NIBAN1: variants seen among roughly 807,000 people sequenced by gnomAD.
NIBAN1 encodes the protein niban apoptosis regulator 1.
Under a neutral mutation model 75.1 loss-of-function variants are expected in NIBAN1, and 81 were observed. That is an observed-to-expected ratio of 1.08 (90% CI 0.90 to 1.30). The LOEUF (loss-of-function observed/expected upper bound fraction) is 1.30. Among genes scored for constraint, NIBAN1 ranks in the 50% most tolerant of loss-of-function variants. NIBAN1 has a pLI of 0.00. For synonymous variants in NIBAN1, 436 were observed against 424.8 expected (o/e 1.03, Z -0.32); for missense variants, 1,133 against 1,128.1 (o/e 1.00, Z -0.06).
intron 1 of NIBAN1, among the ~76,000 whole-genome samples, chr1:184,925,548 ATTTC>A (rs983669899): frequency 3.8e-4 from 57 of 151,530 alleles, no homozygotes; most frequent in Non-Finnish European, 7.5e-4. Context: ...GGTGTTTTTA[ATTTC>A]TTTATTTTTA....
At chr1:184,813,427 A>G (rs554219934) in intron 9 of NIBAN1, among the ~76,000 whole-genome samples, 59 of 152,360 alleles carry the variant, frequency 3.9e-4, no homozygotes, top group African/African-American at 1.4e-3. Flanking sequence ...CAGGTCAGAT[A>G]ATAGGTTTGC....
chr1:184,952,902 C>T (rs1238858815), intron 1 of NIBAN1, among the ~76,000 whole-genome samples: 3 of 152,162 alleles, frequency 2.0e-5, no homozygotes, highest in African/African-American at 7.2e-5. Flanking sequence ...CAAGTTTATG[C>T]TGTCTATTAA....
chr1:184,950,663 G>A (rs767587758), intron 1 of NIBAN1, among the ~76,000 whole-genome samples: 1 of 152,180 alleles, frequency 6.6e-6, no homozygotes, highest in African/African-American at 2.4e-5. Context: ...TTGCTCAGTA[G>A]CATCACAAAT....
At chr1:184,889,546 T>C (rs1329135061) in intron 4 of NIBAN1, among the ~76,000 whole-genome samples, 1 of 152,176 alleles carries the variant, frequency 6.6e-6, no homozygotes, top group Non-Finnish European at 1.5e-5. Flanking sequence ...AGAAAAATAG[T>C]ATTCCCTGAC....
chr1:184,826,332 G>T (rs192865387), intron 6 of NIBAN1, among the ~76,000 whole-genome samples: 2 of 152,272 alleles, frequency 1.3e-5, no homozygotes, highest in Admixed American at 1.3e-4. Context: ...ATTTTCTGTG[G>T]TGTTTAAGAG....
At chr1:184,820,139 C>A (rs772084556) in intron 8 of NIBAN1, among the ~76,000 whole-genome samples, 5 of 152,142 alleles carry the variant, frequency 3.3e-5, no homozygotes, top group Non-Finnish European at 7.4e-5. Context: ...AAATGACTTG[C>A]TTGACACTAA....
intron 1 of NIBAN1, among the ~76,000 whole-genome samples, chr1:184,969,450 G>A (rs115729105): frequency 0.024 from 3,676 of 152,208 alleles, 130 homozygotes; most frequent in African/African-American, 0.083. Context: ...GTCAAAAGAT[G>A]GAGAAGAAGT....
In NIBAN1 at chr1:184,857,700, ATGTGTCTTGAGGT is replaced by A. The variant is rs562916518; in HGVS notation, c.602-25751_602-25739del. On this transcript the variant is annotated intron_variant, in intron 5 of 13. Coordinates refer to ENST00000367511, the MANE Select transcript of NIBAN1 (RefSeq NM_052966.4). ...TAAACAAATAGATATACATATACAT[ATGTGTCTTGAGGT>A]TATCTAGGTATTCTTTTCTCTTTTC... 2.6e-5 allele frequency among the ~76,000 whole-genome samples: 4 copies of A among 152,306 alleles called. No individual in the cohort carries two copies. In the East Asian group the frequency reaches 5.8e-4, roughly 22 times the overall value.
chr1:184,953,442 T>C (rs1658407719), intron 1 of NIBAN1, among the ~76,000 whole-genome samples: 1 of 152,274 alleles, frequency 6.6e-6, no homozygotes, highest in Non-Finnish European at 1.5e-5. Context: ...ATAAATATCA[T>C]TTTGAAAGCG....
At chr1:184,828,809 ATT>A (rs11361571) in intron 6 of NIBAN1, among the ~76,000 whole-genome samples, 314 of 146,448 alleles carry the variant, frequency 2.1e-3, no homozygotes, top group South Asian at 0.013. Context: ...AAGCAAAACC[ATT>A]TTTTTTTTTT....
chr1:184,918,194 A>G (rs1325364272), intron 1 of NIBAN1, among the ~76,000 whole-genome samples: 1 of 152,116 alleles, frequency 6.6e-6, no homozygotes. Context: ...CTCCTCCTCT[A>G]GGTGCCACAG....
Position 184,795,807 on chromosome 1 carries a change from C to T in NIBAN1, c.1957G>A (p.Glu653Lys), listed in dbSNP as rs750096998. 6.2e-7 allele frequency: 1 copy of T among 1,610,420 alleles called. No individual in the cohort carries two copies. The highest frequency in any genetic ancestry group is 1.1e-5 in the South Asian group (1 of 90,490). ...PGPSPPPDGT[E>K]QVIISRVDDP... ...TCCACTCTTGAAATAATCACCTGCTCAGTCCCATCTGGGGGTGGGCTTGGC... is the reference window on the plus strand; with the variant it reads ...TCCACTCTTGAAATAATCACCTGCTTAGTCCCATCTGGGGGTGGGCTTGGC... The change falls in exon 14 of 14, where the codon GAG becomes AAG. Residue 653 changes from glutamate to lysine, a missense_variant. Physicochemically the swap from Glu to Lys is moderately conservative, Grantham distance 56. Transcript: ENST00000367511.
chr1:184,931,869 A>G (rs534415084), intron 1 of NIBAN1, among the ~76,000 whole-genome samples: 1 of 152,344 alleles, frequency 6.6e-6, no homozygotes, highest in East Asian at 1.9e-4. Flanking sequence ...TCTTAAAGGT[A>G]CATAAAATAG....
intron 1 of NIBAN1, among the ~76,000 whole-genome samples, chr1:184,928,499 T>A (rs559781543): frequency 6.6e-6 from 1 of 152,150 alleles, no homozygotes; most frequent in Non-Finnish European, 1.5e-5. Flanking sequence ...TTGCCAGCAC[T>A]CAGGTTCTGA....
At chr1:184,872,688 C>T (rs1186153130) in intron 5 of NIBAN1, among the ~76,000 whole-genome samples, 1 of 142,166 alleles carries the variant, frequency 7.0e-6, no homozygotes, top group Non-Finnish European at 1.5e-5. Context: ...GCTTGGGCAA[C>T]AAGAGGGAAA....
chr1:184,928,923 C>A (rs1028042799), intron 1 of NIBAN1, among the ~76,000 whole-genome samples: 2 of 152,150 alleles, frequency 1.3e-5, no homozygotes, highest in African/African-American at 4.8e-5. Context: ...AAGTCCTCTT[C>A]ATTTTCACGT....
intron 1 of NIBAN1, among the ~76,000 whole-genome samples, chr1:184,945,264 T>C (rs1197177634): frequency 6.6e-6 from 1 of 152,208 alleles, no homozygotes; most frequent in Non-Finnish European, 1.5e-5. Context: ...AGTGAAATAA[T>C]GAACCTTGGG....
intron 1 of NIBAN1, among the ~76,000 whole-genome samples, chr1:184,917,796 A>G (rs989605358): frequency 5.3e-5 from 8 of 151,998 alleles, no homozygotes; most frequent in African/African-American, 1.9e-4. Flanking sequence ...TTTCACCCAC[A>G]CATGCATTCA....
At position 184,795,302 on chromosome 1, in the gene NIBAN1, G is replaced by A. The variant is rs145065110; in HGVS notation, c.2462C>T (p.Thr821Ile). 3.1e-6 allele frequency: 5 copies of A among 1,612,414 alleles called. No homozygotes were observed. The African/African-American group carries it at 4.0e-5, about 13-fold the overall frequency. Residue 821 changes from threonine (T) to isoleucine (I), a missense_variant, in exon 14 of 14, where the codon ACA (threonine) becomes ATA (isoleucine). Coordinates refer to ENST00000367511, the MANE Select transcript of NIBAN1 (RefSeq NM_052966.4). ...MEGELPGEAC[T>I]LTAHEGRGGK... is the part of the protein sequence containing the mutation. ...CCCTCTTCCTTCATGGGCAGTGAGTGTGCAGGCCTCTCCTGGGAGCTCCCC... is the reference window on the plus strand; with the variant it reads ...CCCTCTTCCTTCATGGGCAGTGAGTATGCAGGCCTCTCCTGGGAGCTCCCC...
Sources: gnomAD v4.1 joint callset for allele counts (sites outside exome capture counted in the v4.1 genomes callset) on GRCh38, gnomAD v4.1.1 for gene constraint, MANE v1.5 for transcripts, NCBI Gene and HGNC (gene_info 2026-07-23, HGNC 2026-07-21) for gene names.